The following ZC3H12B variants were observed in gnomAD, a reference collection of about 807,000 sequenced individuals.
ZC3H12B encodes the protein zinc finger CCCH-type containing 12B.
Under a neutral mutation model 43.9 loss-of-function variants are expected in ZC3H12B, and 7 were observed. The ratio of observed to expected loss-of-function variants is 0.16; its 90% CI spans 0.09 to 0.30. The LOEUF (loss-of-function observed/expected upper bound fraction) is 0.30. ZC3H12B is among the 10% of genes least tolerant of loss of function. The probability of loss-of-function intolerance (pLI) is 1.00; values close to 1 mark genes in which losing one functional copy is unlikely to be tolerated. For synonymous variants in ZC3H12B, 222 were observed against 241.7 expected (o/e 0.92, Z 0.76); for missense variants, 475 against 670.2 (o/e 0.71, Z 3.22).
the ZC3H12B span, among the ~76,000 whole-genome samples, chrX:65,277,076 TATATC>T: frequency 2.7e-5 from 3 of 111,431 alleles, no homozygotes; most frequent in Non-Finnish European, 5.7e-5. Flanking sequence ...TAGCTATAAT[TATATC>T]AGACAAAATT....
intron 3 of ZC3H12B, among the ~76,000 whole-genome samples, chrX:65,476,602 G>C (rs748622238): frequency 2.5e-4 from 28 of 111,437 alleles, no homozygotes; most frequent in Non-Finnish European, 5.1e-4. Context: ...TCTCAGAACT[G>C]TGGTGCCACT....
the ZC3H12B span, among the ~76,000 whole-genome samples, chrX:65,038,676 C>G: frequency 9.0e-6 from 1 of 111,018 alleles, no homozygotes; most frequent in Admixed American, 9.6e-5. Context: ...AGTTAAATTG[C>G]TAAACCTCAG....
the ZC3H12B span, among the ~76,000 whole-genome samples, chrX:65,090,739 A>T: frequency 9.0e-6 from 1 of 111,153 alleles, no homozygotes; most frequent in African/African-American, 3.3e-5. Context: ...GCCCTGTTAC[A>T]ATTTGGATAT....
chrX:65,053,495 T>A, the ZC3H12B span, among the ~76,000 whole-genome samples: 1 of 111,876 alleles, frequency 8.9e-6, no homozygotes, highest in Non-Finnish European at 1.9e-5. Context: ...ATTTTCTTAA[T>A]CCAATCTATC....
chrX:65,118,205 T>G, the ZC3H12B span, among the ~76,000 whole-genome samples: 1 of 112,076 alleles, frequency 8.9e-6, no homozygotes, highest in Non-Finnish European at 1.9e-5. Context: ...CATGGAATGT[T>G]CTTCCATTTG....
chrX:65,224,553 A>G, the ZC3H12B span, among the ~76,000 whole-genome samples: 2 of 112,742 alleles, frequency 1.8e-5, no homozygotes, highest in African/African-American at 3.2e-5. Context: ...ACCGTGCATG[A>G]GCCAAAGCAG....
the ZC3H12B span, among the ~76,000 whole-genome samples, chrX:65,116,255 C>T: frequency 9.0e-6 from 1 of 111,567 alleles, no homozygotes; most frequent in African/African-American, 3.2e-5. Context: ...CACTTGGATT[C>T]TTCAACATAT....
chrX:65,405,145 A>C (rs7879390), intron 3 of ZC3H12B, among the ~76,000 whole-genome samples: 9,199 of 112,147 alleles, frequency 0.082, 1,019 homozygotes, highest in African/African-American at 0.29. Flanking sequence ...TTAAAACAAA[A>C]GACAATGGAA....
intron 3 of ZC3H12B, among the ~76,000 whole-genome samples, chrX:65,433,325 C>T (rs1282333555): frequency 1.8e-5 from 2 of 112,309 alleles, no homozygotes; most frequent in East Asian, 5.6e-4. Flanking sequence ...CTAATCTCTG[C>T]AATACCACCT....
the ZC3H12B span, among the ~76,000 whole-genome samples, chrX:65,133,185 G>T: frequency 4.5e-5 from 5 of 111,364 alleles, no homozygotes; most frequent in African/African-American, 1.6e-4. Context: ...GATGTGGCTG[G>T]GGTTTGTCTC....
the ZC3H12B span, among the ~76,000 whole-genome samples, chrX:65,325,890 A>C: frequency 8.9e-6 from 1 of 111,840 alleles, no homozygotes; most frequent in Admixed American, 9.5e-5. Context: ...GAAATAAATA[A>C]ATAAACACAC....
chrX:65,387,647 G>T (rs1453033058), intron 2 of ZC3H12B, among the ~76,000 whole-genome samples: 2 of 111,727 alleles, frequency 1.8e-5, no homozygotes, highest in East Asian at 2.8e-4. Flanking sequence ...TACATTTATG[G>T]TTAATATTGT....
the ZC3H12B span, among the ~76,000 whole-genome samples, chrX:65,138,680 G>A: frequency 1.8e-5 from 2 of 111,051 alleles, no homozygotes; most frequent in Non-Finnish European, 3.8e-5. Flanking sequence ...TTTCATGATG[G>A]CTGCATTAAT....
At chrX:65,217,221 G>A in the ZC3H12B span, among the ~76,000 whole-genome samples, 21 of 112,230 alleles carry the variant, frequency 1.9e-4, no homozygotes, top group African/African-American at 5.2e-4. Context: ...TGCATGAGTC[G>A]CAGTGTTTCA....
chrX:65,351,229 C>T, the ZC3H12B span, among the ~76,000 whole-genome samples: 1 of 111,717 alleles, frequency 9.0e-6, no homozygotes, highest in African/African-American at 3.3e-5. Flanking sequence ...GGAAATCTTT[C>T]CCTATTTAAT....
At chrX:65,494,766 G>A (rs1489841521) in intron 1 of ZC3H12B, among the ~76,000 whole-genome samples, 2 of 106,137 alleles carry the variant, frequency 1.9e-5, no homozygotes, top group African/African-American at 6.8e-5. Flanking sequence ...GGATAACAGA[G>A]CAAGACTCTG....
intron 3 of ZC3H12B, among the ~76,000 whole-genome samples, chrX:65,460,281 G>T (rs2067718065): frequency 9.0e-6 from 1 of 111,519 alleles, no homozygotes; most frequent in Non-Finnish European, 1.9e-5. Context: ...TGGCCATACT[G>T]CCCAAGGTAA....
intron 3 of ZC3H12B, among the ~76,000 whole-genome samples, chrX:65,431,511 C>T (rs960949584): frequency 8.9e-6 from 1 of 112,370 alleles, no homozygotes; most frequent in African/African-American, 3.2e-5. Context: ...CCAACACCAA[C>T]TTTGTTTATG....
the ZC3H12B span, among the ~76,000 whole-genome samples, chrX:65,146,615 G>A: frequency 1.4e-4 from 16 of 111,638 alleles, no homozygotes; most frequent in East Asian, 3.1e-3. Context: ...GTCTAGGGCC[G>A]AAGGCTGTTA....
Sources: gnomAD v4.1 joint callset for allele counts (sites outside exome capture counted in the v4.1 genomes callset) on GRCh38, gnomAD v4.1.1 for gene constraint, MANE v1.5 for transcripts, NCBI Gene and HGNC (gene_info 2026-07-23, HGNC 2026-07-21) for gene names.